Variants in ACER3 observed in about 807,000 individuals in gnomAD.
The protein encoded by ACER3 is alkCDase 3.
Under a neutral mutation model 48.9 loss-of-function variants are expected in ACER3, and 16 were observed. That is an observed-to-expected ratio of 0.33 (90% CI 0.22 to 0.50). The LOEUF (loss-of-function observed/expected upper bound fraction) is 0.50. Ranked by LOEUF, ACER3 falls within the 20% of genes least tolerant of loss-of-function variation. The pLI is 0.98. For missense variants in ACER3, 227 were observed against 326.0 expected, an observed-to-expected ratio of 0.70 and a Z score of 2.34; for synonymous variants, 109 against 107.8, an observed-to-expected ratio of 1.01 and a Z score of -0.07.
At chr11:76,876,439 T>A (rs1945383647) in intron 1 of ACER3, among the ~76,000 whole-genome samples, 1 of 152,258 alleles carries the variant, frequency 6.6e-6, no homozygotes, top group African/African-American at 2.4e-5. Flanking sequence ...TATACCAGTT[T>A]ATTAACCCAT....
chr11:77,012,559 C>T (rs1475109069), intron 7 of ACER3, among the ~76,000 whole-genome samples: 3 of 150,234 alleles, frequency 2.0e-5, no homozygotes, highest in African/African-American at 7.3e-5. Context: ...GTATAATTTA[C>T]AATAACATTA....
intron 3 of ACER3, among the ~76,000 whole-genome samples, chr11:76,975,885 T>TC (rs1318249291): frequency 7.0e-6 from 1 of 143,634 alleles, no homozygotes; most frequent in African/African-American, 2.6e-5. Flanking sequence ...TTTTTTTTTT[T>TC]TTTTTTTTTT....
chr11:76,961,383 T>G (rs1275892111), intron 3 of ACER3, among the ~76,000 whole-genome samples: 1 of 152,116 alleles, frequency 6.6e-6, no homozygotes, highest in East Asian at 1.9e-4. Flanking sequence ...TATACATACT[T>G]AAATATTTTA....
At position 76,926,566 on chromosome 11, in the gene ACER3, T is replaced by G. The variant is rs1286763203; in HGVS notation, c.113T>G (p.Val38Gly). ...TWYIAEFWNTVSNLIMIIPPM... is the reference protein window; with the variant it reads ...TWYIAEFWNTGSNLIMIIPPM... Reference sequence around the variant, plus strand: ...TATTTTTCTCTTAAAGGGAATACAGTGAGTAACCTGATCATGATTATACCT... The same window carrying G: ...TATTTTTCTCTTAAAGGGAATACAGGGAGTAACCTGATCATGATTATACCT... The change falls in exon 2 of 11, where the codon GTG (valine) becomes GGG (glycine). Residue 38 changes from valine to glycine, a missense_variant. By Grantham distance (109) the Val-to-Gly change is moderately radical. Transcript: ENST00000532485. The G allele has an allele frequency of 6.2e-7, 1 of 1,600,024 alleles. No individual in the cohort carries two copies.
At chr11:77,005,247 G>A (rs1413173431) in intron 7 of ACER3, among the ~76,000 whole-genome samples, 1 of 152,030 alleles carries the variant, frequency 6.6e-6, no homozygotes, top group African/African-American at 2.4e-5. Flanking sequence ...GTGTTAGCCA[G>A]GATGGTCTCG....
intron 1 of ACER3, among the ~76,000 whole-genome samples, chr11:76,905,232 ATTTT>A (rs761888953): frequency 6.6e-6 from 1 of 151,884 alleles, no homozygotes; most frequent in Non-Finnish European, 1.5e-5. Context: ...GATTTAGAAG[ATTTT>A]TTTTATGTTA....
At chr11:76,974,830 C>T (rs147991352) in intron 3 of ACER3, among the ~76,000 whole-genome samples, 179 of 152,200 alleles carry the variant, frequency 1.2e-3, no homozygotes, top group African/African-American at 4.2e-3. Context: ...AAAAAACTCA[C>T]CTACATATCC....
intron 1 of ACER3, among the ~76,000 whole-genome samples, chr11:76,869,376 A>G (rs1012427451): frequency 1.3e-5 from 2 of 152,262 alleles, no homozygotes; most frequent in South Asian, 2.1e-4. Context: ...TTTAGGTGCT[A>G]TGATCGCTTA....
At chr11:76,896,167 C>T (rs1447498891) in intron 1 of ACER3, among the ~76,000 whole-genome samples, 1 of 152,102 alleles carries the variant, frequency 6.6e-6, no homozygotes, top group Non-Finnish European at 1.5e-5. Flanking sequence ...AGGAAAACTT[C>T]TTTGCTGTTT....
chr11:76,972,132 A>G (rs1948322200), intron 3 of ACER3, among the ~76,000 whole-genome samples: 1 of 152,178 alleles, frequency 6.6e-6, no homozygotes, highest in African/African-American at 2.4e-5. Flanking sequence ...TCTTAGACCT[A>G]TACTTAGGAG....
intron 6 of ACER3, among the ~76,000 whole-genome samples, chr11:76,991,815 CAAAAAAA>C (rs5792751): frequency 8.1e-6 from 1 of 123,290 alleles, no homozygotes; most frequent in Non-Finnish European, 1.7e-5. Flanking sequence ...AACTCTGTCT[CAAAAAAA>C]AAAAAAAAAA....
intron 1 of ACER3, among the ~76,000 whole-genome samples, chr11:76,884,502 T>C (rs1246578399): frequency 6.6e-6 from 1 of 152,208 alleles, no homozygotes. Flanking sequence ...TTTTAATATC[T>C]ATTGGATCAA....
At chr11:76,908,055 G>T (rs971759899) in intron 1 of ACER3, among the ~76,000 whole-genome samples, 1 of 152,172 alleles carries the variant, frequency 6.6e-6, no homozygotes, top group South Asian at 2.1e-4. Context: ...GGCCAACATG[G>T]TGAAACCCTG....
intron 1 of ACER3, among the ~76,000 whole-genome samples, chr11:76,903,118 A>C (rs995842111): frequency 6.6e-6 from 1 of 152,082 alleles, no homozygotes; most frequent in African/African-American, 2.4e-5. Context: ...CAAGCTACAT[A>C]GTTTGTCTGC....
chr11:77,009,708 G>A (rs2135305072), intron 7 of ACER3, among the ~76,000 whole-genome samples: 1 of 152,288 alleles, frequency 6.6e-6, no homozygotes. Flanking sequence ...CTACTCAGCA[G>A]GCTGAGGCAG....
intron 3 of ACER3, among the ~76,000 whole-genome samples, chr11:76,963,258 G>C (rs944764629): frequency 4.0e-5 from 6 of 151,278 alleles, no homozygotes; most frequent in Non-Finnish European, 8.8e-5. Flanking sequence ...CAAACAAAAA[G>C]TTTCACTTTA....
At chr11:77,011,305 C>G in intron 7 of ACER3, 1 of 985,410 alleles carries the variant, frequency 1.0e-6, no homozygotes, top group Non-Finnish European at 1.2e-6. Context: ...CCTGGATAAC[C>G]AAAGACATTC....
At chr11:76,861,219 GC>G in intron 1 of ACER3, 140 bp downstream of exon 1, 1 of 733,334 alleles carries the variant, frequency 1.4e-6, no homozygotes. Flanking sequence ...GGCGCCCTGG[GC>G]CAGCGGGAGG....
At chr11:76,904,611 G>A (rs193244209) in intron 1 of ACER3, among the ~76,000 whole-genome samples, 28 of 152,156 alleles carry the variant, frequency 1.8e-4, no homozygotes, top group Non-Finnish European at 3.2e-4. Flanking sequence ...TCATATTTGA[G>A]TCAGAATAAA....
Sources: gnomAD v4.1 joint callset for allele counts (sites outside exome capture counted in the v4.1 genomes callset) on GRCh38, gnomAD v4.1.1 for gene constraint, MANE v1.5 for transcripts, NCBI Gene and HGNC (gene_info 2026-07-23, HGNC 2026-07-21) for gene names.